ZNF564: variants seen among roughly 807,000 people sequenced by gnomAD.
ZNF564 encodes zinc finger protein 564.
A neutral mutation model predicts 10.5 loss-of-function variants in ZNF564; 5 were observed. The ratio of observed to expected loss-of-function variants is 0.48; its 90% CI spans 0.25 to 1.00. The LOEUF (loss-of-function observed/expected upper bound fraction) is 1.00, where lower values mean the gene tolerates loss of function less well. Among genes scored for constraint, ZNF564 ranks in the 50% least tolerant of loss-of-function variants. The probability of loss-of-function intolerance (pLI) is 0.16; values close to 1 mark genes in which losing one functional copy is unlikely to be tolerated. For synonymous variants in ZNF564, 242 were observed against 218.1 expected (o/e 1.11, Z -0.97); for missense variants, 603 against 669.7 (o/e 0.90, Z 1.10).
intron 1 of ZNF564, chr19:12,548,751 A>C: frequency 1.4e-6 from 1 of 699,252 alleles, no homozygotes; most frequent in East Asian, 2.7e-5. Context: ...ACTAATATTT[A>C]ATTCACTAAT....
At position 12,551,350 on chromosome 19, in the gene ZNF564, G is replaced by C. The variant is rs1231393080; in HGVS notation, c.-18C>G. ...CGCACCATTTCCTGGCTTCCAGGGT[G>C]TCCCGGGGTCCTGCCTACGGCTCTC... On this transcript the variant is annotated 5_prime_UTR_variant, in exon 1 of 4. Transcript: ENST00000339282. The C allele has an allele frequency of 1.2e-5, 19 of 1,603,126 alleles. No individual in the cohort carries two copies. The highest frequency in any genetic ancestry group is 1.6e-5 in the Non-Finnish European group (19 of 1,175,122).
intron 1 of ZNF564, among the ~76,000 whole-genome samples, chr19:12,544,570 C>T (rs1361242664): frequency 2.0e-5 from 3 of 152,128 alleles, no homozygotes; most frequent in Non-Finnish European, 4.4e-5. Flanking sequence ...TCCCTGTGAC[C>T]ACCTCCGCAT....
chr19:12,539,779 T>C (rs2022002524), intron 1 of ZNF564, among the ~76,000 whole-genome samples: 1 of 151,694 alleles, frequency 6.6e-6, no homozygotes, highest in South Asian at 2.1e-4. Context: ...ATAAAGACCA[T>C]CCTGGCTAAC....
In ZNF564 at chr19:12,528,614, T is replaced by TA; in HGVS notation, c.85dup (p.Tyr29LeufsTer10). On this transcript the variant is annotated frameshift_variant, in exon 2 of 4. Transcript: ENST00000339282. LOFTEE classifies it high-confidence loss of function. ...AAAGGTTTCCCGCATCACATCTCTG[T>TA]AGAGTTTCTTCTGGGAAGGATCCAG... is the stretch of plus-strand genomic sequence containing the variant. 6.2e-7 allele frequency: 1 copy of TA among 1,614,062 alleles called. No individual in the cohort carries two copies. Among genetic ancestry groups the TA allele is most frequent in the Non-Finnish European group, 8.5e-7 (1 of 1,180,006 alleles).
chr19:12,536,835 T>C (rs541856815), intron 1 of ZNF564, among the ~76,000 whole-genome samples: 20 of 152,176 alleles, frequency 1.3e-4, no homozygotes, highest in African/African-American at 4.8e-4. Flanking sequence ...CAGTAACAGA[T>C]TATATAGATT....
chr19:12,543,142 A>C (rs1244691286), intron 1 of ZNF564, among the ~76,000 whole-genome samples: 2 of 151,706 alleles, frequency 1.3e-5, no homozygotes, highest in African/African-American at 4.8e-5. Flanking sequence ...CTTTGTAAAA[A>C]TACAAAAAAA....
intron 1 of ZNF564, among the ~76,000 whole-genome samples, chr19:12,540,849 G>A (rs556831512): frequency 4.0e-5 from 6 of 149,222 alleles, no homozygotes; most frequent in South Asian, 2.1e-4. Context: ...GCAAGACTCC[G>A]TCTCAAAAAA....
At chr19:12,535,007 C>T (rs900547551) in intron 1 of ZNF564, among the ~76,000 whole-genome samples, 1 of 151,966 alleles carries the variant, frequency 6.6e-6, no homozygotes. Context: ...TGCAGTACAT[C>T]CATATGATTA....
intron 1 of ZNF564, chr19:12,549,001 G>A (rs953958321): frequency 3.0e-5 from 19 of 638,296 alleles, no homozygotes; most frequent in African/African-American, 2.9e-4. Flanking sequence ...CATTCTCAAG[G>A]CTAAGTTCTG....
intron 1 of ZNF564, among the ~76,000 whole-genome samples, chr19:12,534,915 C>T (rs745471807): frequency 1.7e-4 from 26 of 152,248 alleles, no homozygotes; most frequent in Non-Finnish European, 3.8e-4. Context: ...AAAACCTGTA[C>T]ATGGATGTTT....
In ZNF564 at chr19:12,527,416, G is replaced by A; in HGVS notation, c.692C>T (p.Ala231Val). 1 of 1,611,288 alleles carries A rather than the reference G, an allele frequency of 6.2e-7. No homozygotes were observed. The highest frequency in any genetic ancestry group is 8.5e-7 in the Non-Finnish European group (1 of 1,179,060). ...GEKPYECQEC[A>V]KAFISLPSFQ... ...ACTTGGAAGAGAAATGAAAGCTTTT[G>A]CACATTCCTGACATTCATAGGGTTT... The change falls in exon 4 of 4, where the codon GCA becomes GTA. Residue 231 changes from alanine to valine, a missense_variant. Coordinates refer to ENST00000339282, the MANE Select transcript of ZNF564 (RefSeq NM_144976.4).
At chr19:12,528,548 G>A (rs1257161048) in intron 2 of ZNF564, 22 bp downstream of exon 2, 3 of 1,608,998 alleles carry the variant, frequency 1.9e-6, no homozygotes, top group African/African-American at 2.7e-5. Context: ...CTGACTAAAA[G>A]AAGGAATGAT....
chr19:12,548,667 T>C (rs1222254078), intron 1 of ZNF564: 2 of 620,356 alleles, frequency 3.2e-6, no homozygotes, highest in African/African-American at 1.8e-5. Flanking sequence ...AGCTTAAACA[T>C]GAAAAGCACA....
chr19:12,550,713 G>A (rs2022239656), intron 1 of ZNF564: 2 of 157,066 alleles, frequency 1.3e-5, no homozygotes, highest in African/African-American at 4.8e-5. Flanking sequence ...TATGGTGAAA[G>A]AAACTATAAA....
rs190719597 is a variant in ZNF564, at chr19:12,539,558, C to G, written c.4-10862G>C. Among the ~76,000 whole-genome samples the G allele has an allele frequency of 7.3e-5, 11 of 149,976 alleles. No individual in the cohort carries two copies. The East Asian group carries it at 2.0e-3, about 27-fold the overall frequency. On this transcript the variant is annotated intron_variant, in intron 1 of 3. Coordinates refer to ENST00000339282, the MANE Select transcript of ZNF564 (RefSeq NM_144976.4). ...TGGCACGTACCTGTAGTCCCAGTTA[C>G]TTGGGAGGCTGAGGCAGGAGAATCG...
At chr19:12,542,269 A>G (rs2022068600) in intron 1 of ZNF564, among the ~76,000 whole-genome samples, 1 of 141,920 alleles carries the variant, frequency 7.0e-6, no homozygotes, top group African/African-American at 2.7e-5. Flanking sequence ...AGATCACGGC[A>G]CTACACTCCA....
Position 12,551,234 on chromosome 19 carries a change from T to A in ZNF564, c.3+96A>T, listed in dbSNP as rs2022253379. ...GGAACTCGGGTCCCAGACCCTGGAG[T>A]CGCTGCAGGGAGGCCAGGGTGCTTC... On this transcript the variant is annotated intron_variant, in intron 1 of 3. Coordinates refer to ENST00000339282, the MANE Select transcript of ZNF564 (RefSeq NM_144976.4). 5.0e-6 allele frequency: 7 copies of A among 1,400,730 alleles called. No individual in the cohort carries two copies. The South Asian group carries it at 7.4e-5, about 15-fold the overall frequency. The allele number at this position is 1,400,730 out of a possible 1,614,324, so 86.8% of individuals were successfully genotyped here.
intron 1 of ZNF564, among the ~76,000 whole-genome samples, chr19:12,533,146 A>T (rs532234425): frequency 1.0e-4 from 15 of 148,526 alleles, no homozygotes; most frequent in African/African-American, 3.4e-4. Flanking sequence ...GAAAAATTTT[A>T]AAAAATCATA....
intron 1 of ZNF564, among the ~76,000 whole-genome samples, chr19:12,537,643 C>A (rs1335721117): frequency 6.8e-6 from 1 of 147,846 alleles, no homozygotes; most frequent in Non-Finnish European, 1.5e-5. Context: ...GAGGCTGAGG[C>A]AGGAGAATCA....
Sources: gnomAD v4.1 joint callset for allele counts (sites outside exome capture counted in the v4.1 genomes callset) on GRCh38, gnomAD v4.1.1 for gene constraint, MANE v1.5 for transcripts, NCBI Gene and HGNC (gene_info 2026-07-23, HGNC 2026-07-21) for gene names.